The following PIK3CD variants were observed in gnomAD, a reference collection of about 807,000 sequenced individuals.
PIK3CD encodes phosphatidylinositol 4,5-bisphosphate 3-kinase catalytic subunit delta isoform.
A neutral mutation model predicts 122.9 loss-of-function variants in PIK3CD; 20 were observed. That is an observed-to-expected ratio of 0.16 (90% CI 0.11 to 0.24). The LOEUF (loss-of-function observed/expected upper bound fraction) is 0.24, where lower values mean the gene tolerates loss of function less well. Ranked by LOEUF, PIK3CD falls within the 10% of genes least tolerant of loss-of-function variation. The probability of loss-of-function intolerance (pLI) is 1.00; values close to 1 mark genes in which losing one functional copy is unlikely to be tolerated. For synonymous variants in PIK3CD, 596 were observed against 593.4 expected (o/e 1.00, Z -0.06); for missense variants, 787 against 1,406.3 (o/e 0.56, Z 7.04).
At chr1:9,690,156 G>T (rs1478388509) in intron 1 of PIK3CD, among the ~76,000 whole-genome samples, 3 of 152,108 alleles carry the variant, frequency 2.0e-5, no homozygotes, top group Non-Finnish European at 4.4e-5. Flanking sequence ...AGCCTCCTGC[G>T]CTCTGTCCCT....
chr1:9,713,502 G>C (rs1036641112), intron 3 of PIK3CD, among the ~76,000 whole-genome samples: 8 of 151,776 alleles, frequency 5.3e-5, no homozygotes, highest in Admixed American at 3.9e-4. Context: ...TGTTTTTTTT[G>C]TAATAATTCT....
rs926400806 is a variant in PIK3CD at position 9,720,690 on chromosome 1, G to A, written c.1521+29G>A. 3 of 1,555,424 alleles carry A rather than the reference G, an allele frequency of 1.9e-6. No individual in the cohort carries two copies. Among genetic ancestry groups the A allele is most frequent in the Middle Eastern group, 2.3e-4 (1 of 4,422 alleles). On this transcript the variant is annotated intron_variant, in intron 12 of 23. Transcript: ENST00000377346. This position sits in a 1 kb window ranked among gnomAD's most constrained non-coding sequence, Gnocchi z 9.0. ...AGTGGGGTGGGGGTGTGGGGTGGGG[G>A]GCATGGAGCCGGCGTGGAACCAGAG...
Position 9,717,449 on chromosome 1 carries a change from C to G in PIK3CD, c.931-88C>G. ...CGCAAACCTGTGACCCTCTCACCCG[C>G]CCCCAAGTGGTCACGGGCCTCACCA... On this transcript the variant is annotated intron_variant, in intron 7 of 23. Coordinates refer to ENST00000377346, the MANE Select transcript of PIK3CD (RefSeq NM_005026.5). The surrounding 1 kb of genome is among the most constrained non-coding windows in gnomAD (Gnocchi z 5.4). 1 of 1,280,608 alleles carries G rather than the reference C, an allele frequency of 7.8e-7. No individual in the cohort carries two copies. The allele number at this position is 1,280,608 out of a possible 1,614,324, so 79.3% of individuals were successfully genotyped here. A position where few individuals can be genotyped will look rare whatever the true frequency, so the allele number is the denominator to read the frequency against.
At chr1:9,685,294 GTTTT>G (rs1021341007) in intron 1 of PIK3CD, among the ~76,000 whole-genome samples, 3 of 151,856 alleles carry the variant, frequency 2.0e-5, no homozygotes, top group African/African-American at 7.3e-5. Flanking sequence ...CATGTAACTG[GTTTT>G]TTTGTTTGTT....
At chr1:9,651,580 G>C (rs998249005), upstream of PIK3CD, among the ~76,000 whole-genome samples, 2 of 152,232 alleles carry the variant, frequency 1.3e-5, no homozygotes, top group Non-Finnish European at 2.9e-5. Context: ...TAGGCGAACT[G>C]GGGAGTGTGG....
the PIK3CD span, among the ~76,000 whole-genome samples, chr1:9,630,739 T>TGTGTGTGCGCGC: frequency 3.7e-3 from 558 of 150,960 alleles, 22 homozygotes; most frequent in South Asian, 0.057. Context: ...TGTGTGTGTG[T>TGTGTGTGCGCGC]GCAGAAGAGG....
Position 9,705,609 on chromosome 1 carries a change from A to G in PIK3CD, c.-32-4815A>G, listed in dbSNP as rs535984886. Among the ~76,000 whole-genome samples, 96 of 152,360 alleles carry G rather than the reference A, an allele frequency of 6.3e-4. No homozygotes were observed. The South Asian group carries it at 9.7e-3, about 15-fold the overall frequency. ...GAAAATATTTCCCGCTCATTCAACC[A>G]ACAAAGGAATGGAATCTAGAATATA... On this transcript the variant is annotated intron_variant, in intron 2 of 23. Transcript: ENST00000377346.
chr1:9,637,729 T>C, the PIK3CD span, among the ~76,000 whole-genome samples: 1 of 152,054 alleles, frequency 6.6e-6, no homozygotes, highest in African/African-American at 2.4e-5. Context: ...CCAAAATATA[T>C]TTCTTTGCAT....
At position 9,721,827 on chromosome 1, in the gene PIK3CD, C is replaced by T; in HGVS notation, c.2022C>T (p.Gly674=). ...TCATCCTGGAGGCCTACTGCAGGGGCAGCACCCACCACATGAAGGTGCTGA... is the reference window on the plus strand; with the variant it reads ...TCATCCTGGAGGCCTACTGCAGGGGTAGCACCCACCACATGAAGGTGCTGA... ...FGLILEAYCR[G]STHHMKVLMK... is the part of the protein sequence containing the mutation. Residue 674 remains glycine, a synonymous_variant, in exon 16 of 24, where the codon GGC becomes GGT. Transcript: ENST00000377346. The T allele has an allele frequency of 6.2e-7, 1 of 1,613,184 alleles. No individual in the cohort carries two copies. The highest frequency in any genetic ancestry group is 8.5e-7 in the Non-Finnish European group (1 of 1,179,946).
At position 9,653,833 on chromosome 1, in the gene PIK3CD, G is replaced by A. The variant is rs571954874; in HGVS notation, c.-138+2031G>A. On this transcript the variant is annotated intron_variant, in intron 1 of 23. Coordinates refer to ENST00000377346, the MANE Select transcript of PIK3CD (RefSeq NM_005026.5). ...CTTGGCTGGTGAGAGGCCTGCTGGCGGCTTCCTGGGCTTGGTCCTCTTTTG... is the reference window on the plus strand; with the variant it reads ...CTTGGCTGGTGAGAGGCCTGCTGGCAGCTTCCTGGGCTTGGTCCTCTTTTG... The A allele has an allele frequency of 1.0e-5, 14 of 1,367,542 alleles. No homozygotes were observed. The East Asian group carries it at 5.9e-4, about 58-fold the overall frequency. 84.7% of individuals were successfully genotyped at this position (1,367,542 alleles called of 1,614,324 possible).
chr1:9,721,822 AG>A lies in PIK3CD; in HGVS notation c.2021del (p.Gly674AlafsTer6), dbSNP rs768001303. On this transcript the variant is annotated frameshift_variant, in exon 16 of 24. Transcript: ENST00000377346. LOFTEE classifies it high-confidence loss of function. ...RFGLILEAYCRGSTHHMKVLM... is the reference protein window; with the variant it reads ...RFGLILEAYCXGSTHHMKVLM... The stretch of plus-strand genomic sequence containing the variant: ...CGGCCTCATCCTGGAGGCCTACTGC[AG>A]GGGCAGCACCCACCACATGAAGGTG... The A allele has an allele frequency of 2.5e-6, 4 of 1,613,174 alleles. No individual in the cohort carries two copies. The highest frequency in any genetic ancestry group is 1.7e-6 in the Non-Finnish European group (2 of 1,179,938).
At chr1:9,632,492 C>G in the PIK3CD span, among the ~76,000 whole-genome samples, 50 of 152,126 alleles carry the variant, frequency 3.3e-4, no homozygotes, top group Non-Finnish European at 7.4e-5. Context: ...GCCCAGCTGC[C>G]CTCTGTTTCT....
rs549329096 is a variant in PIK3CD at position 9,682,229 on chromosome 1, G to A, written c.-137-9238G>A. On this transcript the variant is annotated intron_variant, in intron 1 of 23. Coordinates refer to ENST00000377346, the MANE Select transcript of PIK3CD (RefSeq NM_005026.5). The stretch of plus-strand genomic sequence containing the variant: ...TGAGCCACCACACCTAGCCAAGGCT[G>A]CGTTTTTATTTTTTATTTTATTATT... 2.9e-3 allele frequency among the ~76,000 whole-genome samples: 445 copies of A among 152,184 alleles called. 1 individual carries two copies. The highest frequency in any genetic ancestry group is 0.013 in the South Asian group (62 of 4,814).
At chr1:9,691,415 T>C in intron 1 of PIK3CD, 52 bp from the exon 2 acceptor site, 1 of 397,998 alleles carries the variant, frequency 2.5e-6, no homozygotes. Context: ...TTTCTGAAAT[T>C]CTCTCTTGTT....
chr1:9,664,048 TC>T (rs1391514719), intron 1 of PIK3CD, among the ~76,000 whole-genome samples: 14,151 of 132,346 alleles, frequency 0.11, 1,213 homozygotes, highest in East Asian at 0.45. Flanking sequence ...TTTCTTTCTT[TC>T]TTTTTTTTTT....
rs11121482 is a variant in PIK3CD at position 9,717,471 on chromosome 1, A to G, written c.931-66A>G. Reference sequence around the variant, plus strand: ...CCGCCCCCAAGTGGTCACGGGCCTCACCATAGGCCAGGGAGACAAGCTGCA... The same window carrying G: ...CCGCCCCCAAGTGGTCACGGGCCTCGCCATAGGCCAGGGAGACAAGCTGCA... On this transcript the variant is annotated intron_variant, in intron 7 of 23. Coordinates refer to ENST00000377346, the MANE Select transcript of PIK3CD (RefSeq NM_005026.5). This position sits in a 1 kb window ranked among gnomAD's most constrained non-coding sequence, Gnocchi z 5.4. The G allele has an allele frequency of 0.014, 20,995 of 1,506,218 alleles. 2,168 individuals are homozygous for G. The African/African-American group carries it at 0.24, about 17-fold the overall frequency. 93.3% of individuals were successfully genotyped at this position (1,506,218 alleles called of 1,614,324 possible).
the PIK3CD span, among the ~76,000 whole-genome samples, chr1:9,627,525 A>T: frequency 3.3e-5 from 5 of 152,220 alleles, no homozygotes; most frequent in Admixed American, 2.6e-4. Flanking sequence ...CATGACGCTG[A>T]TCTCACAGGG....
the PIK3CD span, among the ~76,000 whole-genome samples, chr1:9,645,075 G>A: frequency 2.0e-5 from 3 of 147,222 alleles, no homozygotes; most frequent in African/African-American, 7.6e-5. Context: ...ACCCAGGCTG[G>A]AGTGCAGTGG....
chr1:9,641,424 T>G, the PIK3CD span, among the ~76,000 whole-genome samples: 1 of 152,050 alleles, frequency 6.6e-6, no homozygotes, highest in Non-Finnish European at 1.5e-5. Flanking sequence ...TATTGTTCCC[T>G]TGTGCCAGAT....
Sources: gnomAD v4.1 joint callset for allele counts (sites outside exome capture counted in the v4.1 genomes callset) on GRCh38, gnomAD v4.1.1 for gene constraint, Gnocchi (gnomAD v3.1) non-coding constraint, MANE v1.5 for transcripts, NCBI Gene and HGNC (gene_info 2026-07-23, HGNC 2026-07-21) for gene names.